GALNT17: variants seen among roughly 807,000 people sequenced by gnomAD.
The protein encoded by GALNT17 is UDP-GalNAc:polypeptide N-acetylgalactosaminyltransferase-like 3.
GALNT17 carries 29 observed loss-of-function variants against 63.7 expected under a neutral mutation model. The ratio of observed to expected loss-of-function variants is 0.46; its 90% CI spans 0.34 to 0.62. GALNT17 has a LOEUF of 0.62. Among genes scored for constraint, GALNT17 ranks in the 20% least tolerant of loss-of-function variants. The probability of loss-of-function intolerance (pLI) is 0.01; values close to 1 mark genes in which losing one functional copy is unlikely to be tolerated. For synonymous variants in GALNT17, 305 were observed against 318.3 expected, an observed-to-expected ratio of 0.96 and a Z score of 0.45; for missense variants, 603 against 799.6, an observed-to-expected ratio of 0.75 and a Z score of 2.97.
At chr7:71,657,093 G>A (rs908503035) in intron 6 of GALNT17, among the ~76,000 whole-genome samples, 1 of 152,034 alleles carries the variant, frequency 6.6e-6, no homozygotes, top group African/African-American at 2.4e-5. Context: ...GAAACTCCTG[G>A]CCTCTAAAAG....
intron 1 of GALNT17, among the ~76,000 whole-genome samples, chr7:71,150,373 C>A (rs1224596923): frequency 6.6e-6 from 1 of 151,978 alleles, no homozygotes; most frequent in East Asian, 1.9e-4. Flanking sequence ...TTCAGGCTCC[C>A]CTGCAGTTAG....
intron 5 of GALNT17, among the ~76,000 whole-genome samples, chr7:71,426,627 C>T (rs192510324): frequency 1.4e-3 from 214 of 152,166 alleles, no homozygotes; most frequent in Admixed American, 2.1e-3. Context: ...ACACATCTCA[C>T]GGCAAAGCAG....
intron 9 of GALNT17, among the ~76,000 whole-genome samples, chr7:71,686,075 C>T (rs1481581438): frequency 2.0e-5 from 3 of 151,192 alleles, no homozygotes; most frequent in Non-Finnish European, 4.4e-5. Context: ...CTGCCTCAGC[C>T]TCCCGAGTAG....
At chr7:71,632,543 GC>G (rs2116991641) in intron 6 of GALNT17, among the ~76,000 whole-genome samples, 1 of 152,296 alleles carries the variant, frequency 6.6e-6, no homozygotes, top group African/African-American at 2.4e-5. Context: ...AGCACTTTCA[GC>G]CGAGCTGAAT....
At chr7:71,548,620 A>T (rs987978681) in intron 5 of GALNT17, among the ~76,000 whole-genome samples, 2 of 152,156 alleles carry the variant, frequency 1.3e-5, no homozygotes, top group Non-Finnish European at 2.9e-5. Flanking sequence ...CATGTAAGAC[A>T]TGTCTTTGCT....
chr7:71,147,147 T>G (rs1000297251), intron 1 of GALNT17, among the ~76,000 whole-genome samples: 1 of 152,132 alleles, frequency 6.6e-6, no homozygotes, highest in Non-Finnish European at 1.5e-5. Flanking sequence ...ACTCTCAGAT[T>G]ATGAATAACA....
chr7:71,386,258 AT>A (rs1792941988), intron 2 of GALNT17, among the ~76,000 whole-genome samples: 2 of 152,220 alleles, frequency 1.3e-5, no homozygotes, highest in African/African-American at 4.8e-5. Flanking sequence ...TACATGATTA[AT>A]ATGGCCTGAC....
At chr7:71,420,816 A>C (rs1786649061) in intron 4 of GALNT17, 92 bp from the exon 5 acceptor site, 2 of 1,468,216 alleles carry the variant, frequency 1.4e-6, no homozygotes. Flanking sequence ...GCCCAGCCTT[A>C]AGTAGCTAAA....
chr7:71,321,870 CCTTCCTTCCTT>C (rs1563000972), intron 1 of GALNT17, among the ~76,000 whole-genome samples: 19 of 42,884 alleles, frequency 4.4e-4, no homozygotes, highest in African/African-American at 2.0e-3. Context: ...TCCTTCCTTT[CCTTCCTTCCTT>C]CCTTCCTTCC....
At chr7:71,412,178 G>A (rs892164283) in intron 3 of GALNT17, among the ~76,000 whole-genome samples, 18 of 152,234 alleles carry the variant, frequency 1.2e-4, no homozygotes, top group Admixed American at 2.6e-4. Flanking sequence ...GGTGGTGCAC[G>A]CCTTTAGTTC....
At chr7:71,463,656 A>AG (rs1343681610) in intron 5 of GALNT17, among the ~76,000 whole-genome samples, 1 of 152,178 alleles carries the variant, frequency 6.6e-6, no homozygotes, top group African/African-American at 2.4e-5. Flanking sequence ...ATTACTCATG[A>AG]GTTTTCTGGG....
chr7:71,496,375 A>G lies in GALNT17; in HGVS notation c.963-74910A>G, dbSNP rs575740505. Among the ~76,000 whole-genome samples the G allele has an allele frequency of 1.5e-3, 225 of 152,130 alleles. 2 individuals carry two copies. Among genetic ancestry groups the G allele is most frequent in the Non-Finnish European group, 2.9e-3 (196 of 67,980 alleles). On this transcript the variant is annotated intron_variant, in intron 5 of 10. Coordinates refer to ENST00000333538, the MANE Select transcript of GALNT17 (RefSeq NM_022479.3). ...CTGGTGGGGGTGGGGAGACATCTTT[A>G]GCATTTGAGGGGAGCATCTTTCTAG...
At chr7:71,601,523 C>G (rs1789967079) in intron 6 of GALNT17, among the ~76,000 whole-genome samples, 1 of 152,096 alleles carries the variant, frequency 6.6e-6, no homozygotes, top group Non-Finnish European at 1.5e-5. Context: ...GCCACCATAC[C>G]TGTAATCCAA....
chr7:71,142,060 G>A (rs1372356964), intron 1 of GALNT17, among the ~76,000 whole-genome samples: 1 of 148,108 alleles, frequency 6.8e-6, no homozygotes, highest in Non-Finnish European at 1.5e-5. Context: ...AGTAGAGATG[G>A]GGTTTCACCA....
chr7:71,424,520 C>G (rs191106888), intron 5 of GALNT17, among the ~76,000 whole-genome samples: 1 of 152,178 alleles, frequency 6.6e-6, no homozygotes, highest in African/African-American at 2.4e-5. Flanking sequence ...GTAATATTAA[C>G]AGATGATTAA....
intron 2 of GALNT17, among the ~76,000 whole-genome samples, chr7:71,384,294 G>A (rs572838705): frequency 6.8e-4 from 104 of 152,298 alleles, no homozygotes; most frequent in African/African-American, 2.1e-3. Flanking sequence ...CACATCCCAC[G>A]TCCGCATGGT....
intron 1 of GALNT17, among the ~76,000 whole-genome samples, chr7:71,193,294 C>CT (rs1336447391): frequency 6.6e-6 from 1 of 151,448 alleles, no homozygotes; most frequent in Non-Finnish European, 1.5e-5. Flanking sequence ...GAGGTGGGGT[C>CT]TTGCTGTATT....
chr7:71,140,072 A>G (rs1054257504), intron 1 of GALNT17, among the ~76,000 whole-genome samples: 6 of 152,228 alleles, frequency 3.9e-5, no homozygotes, highest in African/African-American at 1.4e-4. Flanking sequence ...TCCGTTCATT[A>G]ATGCCAGAGG....
At chr7:71,611,543 C>T (rs1790125696) in intron 6 of GALNT17, among the ~76,000 whole-genome samples, 1 of 152,190 alleles carries the variant, frequency 6.6e-6, no homozygotes, top group African/African-American at 2.4e-5. Flanking sequence ...TGCTCCTCCT[C>T]TTCCTCACTG....
Sources: allele counts gnomAD v4.1 joint callset (sites outside exome capture counted in the v4.1 genomes callset), GRCh38; gene constraint gnomAD v4.1.1; transcripts MANE v1.5; gene names NCBI Gene and HGNC (gene_info 2026-07-23, HGNC 2026-07-21).